RANBP17: variants seen among roughly 807,000 people sequenced by gnomAD.
The protein encoded by RANBP17 is ran-binding protein 17.
Under a neutral mutation model 141.2 loss-of-function variants are expected in RANBP17, and 158 were observed. The ratio of observed to expected loss-of-function variants is 1.12; its 90% CI spans 0.98 to 1.28. RANBP17 has a LOEUF of 1.28. Ranked by LOEUF, RANBP17 falls within the 50% of genes most tolerant of loss-of-function variation. The probability of loss-of-function intolerance (pLI) is 0.00; values close to 1 mark genes in which losing one functional copy is unlikely to be tolerated. For synonymous variants in RANBP17, 430 were observed against 450.0 expected (o/e 0.96, Z 0.56); for missense variants, 1,438 against 1,290.7 (o/e 1.11, Z -1.75).
chr5:171,264,735 GCT>G (rs1403936657), intron 24 of RANBP17, among the ~76,000 whole-genome samples: 1 of 152,188 alleles, frequency 6.6e-6, no homozygotes, highest in African/African-American at 2.4e-5. Flanking sequence ...ACGTGAAGTA[GCT>G]CTTTCAGATC....
chr5:171,239,105 T>C (rs759099438), intron 22 of RANBP17, among the ~76,000 whole-genome samples: 2 of 152,202 alleles, frequency 1.3e-5, no homozygotes, highest in Non-Finnish European at 2.9e-5. Context: ...ACTATTGTTA[T>C]CTCTCTAAGG....
intron 14 of RANBP17, among the ~76,000 whole-genome samples, chr5:171,012,077 GTTTGTTTATTTGTTTAAACAAATAATACA>G (rs1780091970): frequency 4.0e-5 from 1 of 25,078 alleles, no homozygotes; most frequent in Non-Finnish European, 1.5e-4. Context: ...CGAATATATT[GTTTGTTTATTTGTTTAAACAAATAATACA>G]TTTGTTTAAA....
rs527707893 is a variant in RANBP17, at chr5:170,862,369, C to CT, written c.18+321dup. On this transcript the variant is annotated intron_variant, in intron 1 of 27. Transcript: ENST00000523189. ...CCGGCAGCACGCTCGCTGACCGCGGCTTTAGTGTTGCCAGGGCAGGTGGGA... is the reference window on the plus strand; with the variant it reads ...CCGGCAGCACGCTCGCTGACCGCGGCTTTTAGTGTTGCCAGGGCAGGTGGGA... Among the ~76,000 whole-genome samples, 12 of 152,292 alleles carry CT rather than the reference C, an allele frequency of 7.9e-5. No homozygotes were observed. The South Asian group carries it at 2.3e-3, about 29-fold the overall frequency.
chr5:170,995,973 C>T (rs977883469), intron 14 of RANBP17, among the ~76,000 whole-genome samples: 2 of 151,974 alleles, frequency 1.3e-5, no homozygotes, highest in South Asian at 4.2e-4. Context: ...CTGCAGTGTG[C>T]TATGATCACA....
intron 14 of RANBP17, among the ~76,000 whole-genome samples, chr5:171,156,233 A>T (rs138804202): frequency 1.3e-5 from 2 of 152,190 alleles, no homozygotes; most frequent in East Asian, 3.9e-4. Flanking sequence ...CATTCCAGTG[A>T]TCTTACCTTC....
At chr5:171,214,170 A>T (rs995725302) in intron 21 of RANBP17, among the ~76,000 whole-genome samples, 1 of 152,204 alleles carries the variant, frequency 6.6e-6, no homozygotes, top group Non-Finnish European at 1.5e-5. Context: ...ATGGGAACAT[A>T]GTTTGCCTCA....
In RANBP17 at chr5:171,032,230, G is replaced by T. The variant is rs554474604; in HGVS notation, c.1710+63853G>T. 5.9e-5 allele frequency among the ~76,000 whole-genome samples: 9 copies of T among 152,078 alleles called. No homozygotes were observed. In the South Asian group the frequency reaches 1.9e-3, roughly 31 times the overall value. Reference sequence around the variant, plus strand: ...TCCTGCTTTAATGAATTCCCTTTTAGATGTCCATTAAATGCTCATGGCAAA... The same window carrying T: ...TCCTGCTTTAATGAATTCCCTTTTATATGTCCATTAAATGCTCATGGCAAA... On this transcript the variant is annotated intron_variant, in intron 14 of 27. Transcript: ENST00000523189.
intron 1 of RANBP17, among the ~76,000 whole-genome samples, chr5:170,864,841 A>G (rs1230646024): frequency 2.6e-5 from 4 of 152,170 alleles, no homozygotes; most frequent in African/African-American, 9.7e-5. Flanking sequence ...AACATGAGAA[A>G]AGGTATGTGG....
intron 14 of RANBP17, among the ~76,000 whole-genome samples, chr5:171,082,050 C>T (rs1311057504): frequency 6.6e-6 from 1 of 152,086 alleles, no homozygotes; most frequent in Non-Finnish European, 1.5e-5. Context: ...ATTAATAAAA[C>T]CTTAAAAATA....
intron 12 of RANBP17, among the ~76,000 whole-genome samples, chr5:170,944,068 T>C (rs914750169): frequency 5.9e-5 from 9 of 152,144 alleles, no homozygotes; most frequent in Non-Finnish European, 1.2e-4. Flanking sequence ...GTATTCTACC[T>C]TTTTTTAAGG....
chr5:171,233,980 T>C (rs887540318), intron 22 of RANBP17, among the ~76,000 whole-genome samples: 1 of 151,640 alleles, frequency 6.6e-6, no homozygotes, highest in Admixed American at 6.6e-5. Flanking sequence ...TGTGCATGTG[T>C]GGGGGCAGGA....
At chr5:170,913,714 G>A (rs1366318704) in intron 7 of RANBP17, among the ~76,000 whole-genome samples, 2 of 151,964 alleles carry the variant, frequency 1.3e-5, no homozygotes, top group African/African-American at 4.8e-5. Flanking sequence ...TGCAGTTGAT[G>A]TCTAAAGTAA....
intron 14 of RANBP17, among the ~76,000 whole-genome samples, chr5:171,152,597 A>C (rs116906294): frequency 6.6e-6 from 1 of 152,138 alleles, no homozygotes; most frequent in East Asian, 1.9e-4. Context: ...GTTCTCCATA[A>C]TCTAGCTCCA....
intron 14 of RANBP17, among the ~76,000 whole-genome samples, chr5:171,007,501 A>G (rs1218735940): frequency 6.6e-6 from 1 of 152,114 alleles, no homozygotes; most frequent in Non-Finnish European, 1.5e-5. Flanking sequence ...TCAGTAGAAA[A>G]GGAAGATTCA....
At chr5:170,943,039 T>C (rs1774457708) in intron 12 of RANBP17, among the ~76,000 whole-genome samples, 1 of 152,154 alleles carries the variant, frequency 6.6e-6, no homozygotes, top group African/African-American at 2.4e-5. Context: ...TGCCTAGTAC[T>C]TAGAAAATTT....
chr5:171,164,515 T>C (rs928675685), intron 14 of RANBP17, among the ~76,000 whole-genome samples: 1 of 137,320 alleles, frequency 7.3e-6, no homozygotes, highest in Non-Finnish European at 1.6e-5. Flanking sequence ...ATTTGATGAG[T>C]TGAGAATTTG....
intron 14 of RANBP17, among the ~76,000 whole-genome samples, chr5:171,010,691 A>G (rs1444606725): frequency 2.0e-5 from 3 of 152,154 alleles, no homozygotes; most frequent in Non-Finnish European, 4.4e-5. Flanking sequence ...TATCCCCCAC[A>G]AAAAACCAGT....
At chr5:171,055,961 C>G (rs1279579400) in intron 14 of RANBP17, among the ~76,000 whole-genome samples, 1 of 145,706 alleles carries the variant, frequency 6.9e-6, no homozygotes, top group Non-Finnish European at 1.5e-5. Flanking sequence ...ATTAAGATTA[C>G]TCACAAATAG....
chr5:171,101,664 T>C (rs1378752938), intron 14 of RANBP17, among the ~76,000 whole-genome samples: 1 of 152,208 alleles, frequency 6.6e-6, no homozygotes, highest in African/African-American at 2.4e-5. Flanking sequence ...ATTTTGCCCA[T>C]TAGTTGATGC....
Sources: allele counts gnomAD v4.1 joint callset (sites outside exome capture counted in the v4.1 genomes callset), GRCh38; gene constraint gnomAD v4.1.1; transcripts MANE v1.5; gene names NCBI Gene and HGNC (gene_info 2026-07-23, HGNC 2026-07-21).